The following LGSN variants were observed in gnomAD, a reference collection of about 807,000 sequenced individuals.
LGSN encodes lengsin.
LGSN carries 21 observed loss-of-function variants against 19.5 expected under a neutral mutation model. The ratio of observed to expected loss-of-function variants is 1.07; its 90% CI spans 0.76 to 1.55. The LOEUF (loss-of-function observed/expected upper bound fraction) is 1.55. Among genes scored for constraint, LGSN ranks in the 40% most tolerant of loss-of-function variants. The probability of loss-of-function intolerance (pLI) is 0.00; values close to 1 mark genes in which losing one functional copy is unlikely to be tolerated. For missense variants in LGSN, 673 were observed against 608.5 expected, an observed-to-expected ratio of 1.11 and a Z score of -1.12; for synonymous variants, 257 against 215.6, an observed-to-expected ratio of 1.19 and a Z score of -1.68.
chr6:63,496,135 G>A, the LGSN span, among the ~76,000 whole-genome samples: 2 of 152,138 alleles, frequency 1.3e-5, no homozygotes, highest in African/African-American at 2.4e-5. Context: ...ATGTTGGCCA[G>A]GCTGGTCTCG....
At chr6:63,281,304 A>AAAATATAT (rs1472299320) in intron 3 of LGSN, 84 bp from the exon 4 acceptor site, 30 of 135,802 alleles carry the variant, frequency 2.2e-4, no homozygotes, top group Non-Finnish European at 3.0e-4. Context: ...TGCTAATGAA[A>AAAATATAT]ATATATATAT....
chr6:63,486,797 C>T, the LGSN span, among the ~76,000 whole-genome samples: 1 of 149,060 alleles, frequency 6.7e-6, no homozygotes, highest in African/African-American at 2.5e-5. Context: ...GTGATCCCCC[C>T]ACCTCAGTTT....
the LGSN span, among the ~76,000 whole-genome samples, chr6:63,422,735 A>G: frequency 2.0e-5 from 3 of 152,158 alleles, no homozygotes; most frequent in African/African-American, 7.2e-5. Context: ...ACTATAGATA[A>G]TCAAAATACA....
chr6:63,538,666 G>T, the LGSN span, among the ~76,000 whole-genome samples: 1 of 152,064 alleles, frequency 6.6e-6, no homozygotes. Flanking sequence ...TTTTAAGATA[G>T]CATGAAAATG....
At chr6:63,450,256 G>A in the LGSN span, among the ~76,000 whole-genome samples, 1 of 151,352 alleles carries the variant, frequency 6.6e-6, no homozygotes, top group African/African-American at 2.4e-5. Flanking sequence ...CAGCTACTCA[G>A]GAGGCTGAGG....
At chr6:63,479,738 TCAAACAAA>T in the LGSN span, among the ~76,000 whole-genome samples, 12 of 151,104 alleles carry the variant, frequency 7.9e-5, no homozygotes, top group Admixed American at 5.9e-4. Context: ...AGACTCCGTC[TCAAACAAA>T]CAAACAAACA....
chr6:63,355,948 G>A, the LGSN span, among the ~76,000 whole-genome samples: 1 of 152,086 alleles, frequency 6.6e-6, no homozygotes, highest in African/African-American at 2.4e-5. Flanking sequence ...CAATGTGCTG[G>A]TATTACAGGC....
At chr6:63,408,480 T>G in the LGSN span, among the ~76,000 whole-genome samples, 3 of 145,370 alleles carry the variant, frequency 2.1e-5, no homozygotes, top group Middle Eastern at 3.5e-3. Flanking sequence ...TAGCCATATG[T>G]AGAAAGCTGA....
chr6:63,412,442 GCA>G, the LGSN span, among the ~76,000 whole-genome samples: 8 of 124,456 alleles, frequency 6.4e-5, no homozygotes, highest in East Asian at 4.3e-4. Context: ...AAGAAAGAAA[GCA>G]AGAAAGAAAG....
At chr6:63,451,262 A>T in the LGSN span, among the ~76,000 whole-genome samples, 3 of 152,242 alleles carry the variant, frequency 2.0e-5, no homozygotes, top group Non-Finnish European at 4.4e-5. Context: ...AATATAAATC[A>T]TTCTATTATA....
At chr6:63,403,149 G>T in the LGSN span, among the ~76,000 whole-genome samples, 3 of 151,892 alleles carry the variant, frequency 2.0e-5, no homozygotes, top group African/African-American at 7.3e-5. Context: ...CCTCTCTGGA[G>T]AACTAATCTA....
At chr6:63,493,011 G>A in the LGSN span, among the ~76,000 whole-genome samples, 2 of 152,292 alleles carry the variant, frequency 1.3e-5, no homozygotes, top group Admixed American at 1.3e-4. Flanking sequence ...TTGTAGATGT[G>A]AACACCATTG....
chr6:63,573,571 C>A, the LGSN span: 1 of 152,218 alleles, frequency 6.6e-6, no homozygotes, highest in South Asian at 2.1e-4. Flanking sequence ...TGGGGCATTC[C>A]GCGAGCTGCA....
At position 63,285,655 on chromosome 6, in the gene LGSN, C is replaced by G. The variant is rs1274388054; in HGVS notation, c.262G>C (p.Val88Leu). 2 of 1,613,924 alleles carry G rather than the reference C, an allele frequency of 1.2e-6. No homozygotes were observed. The highest frequency in any genetic ancestry group is 2.2e-5 in the South Asian group (2 of 91,076). ...QAMAKNRLQFVRFEATDLHGV... is the reference protein window; with the variant it reads ...QAMAKNRLQFLRFEATDLHGV... ...TGGAGGTCTGTTGCTTCAAATCGTACAAACTGGAGGCGATTTTTGGCCATG... is the reference window on the plus strand; with the variant it reads ...TGGAGGTCTGTTGCTTCAAATCGTAGAAACTGGAGGCGATTTTTGGCCATG... The change falls in exon 3 of 4, where the codon GTA becomes CTA. Residue 88 changes from valine (V) to leucine (L), a missense_variant. Transcript: ENST00000370657.
chr6:63,438,447 C>G, the LGSN span, among the ~76,000 whole-genome samples: 1 of 152,094 alleles, frequency 6.6e-6, no homozygotes, highest in East Asian at 1.9e-4. Flanking sequence ...ATTTTTGCAA[C>G]CTACTCATCT....
chr6:63,410,184 A>G, the LGSN span, among the ~76,000 whole-genome samples: 2 of 152,196 alleles, frequency 1.3e-5, no homozygotes, highest in Non-Finnish European at 2.9e-5. Flanking sequence ...ATCCTTTATA[A>G]TGTTCACAAA....
At chr6:63,306,654 A>G (rs1404794892) in intron 1 of LGSN, among the ~76,000 whole-genome samples, 1 of 152,224 alleles carries the variant, frequency 6.6e-6, no homozygotes, top group East Asian at 1.9e-4. Flanking sequence ...TTGTAAAGAA[A>G]GAGATATGCT....
the LGSN span, among the ~76,000 whole-genome samples, chr6:63,515,757 A>G: frequency 6.6e-6 from 1 of 152,198 alleles, no homozygotes; most frequent in Non-Finnish European, 1.5e-5. Context: ...CTAAACAAAA[A>G]CGAACCTAAG....
chr6:63,320,619 C>T (rs548172251), upstream of LGSN, among the ~76,000 whole-genome samples: 73 of 152,254 alleles, frequency 4.8e-4, no homozygotes, highest in South Asian at 2.3e-3. Flanking sequence ...ATAAACAATC[C>T]TAACTCAGTA....
Sources: allele counts gnomAD v4.1 joint callset (sites outside exome capture counted in the v4.1 genomes callset), GRCh38; gene constraint gnomAD v4.1.1; transcripts MANE v1.5; gene names NCBI Gene and HGNC (gene_info 2026-07-23, HGNC 2026-07-21).